The following GPR63 variants were observed in gnomAD, a reference collection of about 807,000 sequenced individuals.
GPR63 encodes G protein-coupled receptor 63, also known as probable G protein-coupled receptor 63.
In GPR63, 12 loss-of-function variants were observed where a neutral mutation model predicts 23.1. That is an observed-to-expected ratio of 0.52 (90% CI 0.33 to 0.84). The LOEUF (loss-of-function observed/expected upper bound fraction) is 0.84, where lower values mean the gene tolerates loss of function less well. GPR63 is among the 40% of genes least tolerant of loss of function. The probability of loss-of-function intolerance (pLI) is 0.02; values close to 1 mark genes in which losing one functional copy is unlikely to be tolerated. For missense variants in GPR63, 472 were observed against 515.6 expected (o/e 0.92, Z 0.82); for synonymous variants, 172 against 191.1 (o/e 0.90, Z 0.82).
intron 1 of GPR63, among the ~76,000 whole-genome samples, chr6:96,827,521 CCTAT>C (rs1774474669): frequency 6.6e-6 from 1 of 151,954 alleles, no homozygotes; most frequent in East Asian, 1.9e-4. Flanking sequence ...CTCAATGTAG[CCTAT>C]CTAATGCCAA....
At chr6:96,836,026 T>G (rs186403786) in intron 1 of GPR63, among the ~76,000 whole-genome samples, 32 of 152,284 alleles carry the variant, frequency 2.1e-4, no homozygotes, top group Admixed American at 1.2e-3. Flanking sequence ...ATTATGTCAC[T>G]AAAATTTTGG....
chr6:96,816,437 T>G (rs919281539), intron 1 of GPR63, among the ~76,000 whole-genome samples: 1 of 152,036 alleles, frequency 6.6e-6, no homozygotes, highest in Non-Finnish European at 1.5e-5. Context: ...GCAAATAAAG[T>G]CAAGCCTGTA....
intron 1 of GPR63, among the ~76,000 whole-genome samples, chr6:96,812,402 A>C: frequency 6.6e-6 from 1 of 152,144 alleles, no homozygotes; most frequent in East Asian, 1.9e-4. Context: ...ACAAGGATTT[A>C]TTTGCCTTCC....
chr6:96,816,276 T>G (rs1774161603), intron 1 of GPR63, among the ~76,000 whole-genome samples: 1 of 152,192 alleles, frequency 6.6e-6, no homozygotes, highest in African/African-American at 2.4e-5. Flanking sequence ...TGCCTAGCTT[T>G]TCAAAGGTTT....
chr6:96,819,515 C>T (rs1170121663), intron 1 of GPR63, among the ~76,000 whole-genome samples: 1 of 151,108 alleles, frequency 6.6e-6, no homozygotes, highest in African/African-American at 2.4e-5. Context: ...TGGGGCCTGT[C>T]GGGGTGCAGG....
chr6:96,822,149 G>C (rs1444920907), intron 1 of GPR63, among the ~76,000 whole-genome samples: 2 of 151,728 alleles, frequency 1.3e-5, no homozygotes, highest in Non-Finnish European at 2.9e-5. Context: ...TGAACACAAA[G>C]AAAAATATAG....
At chr6:96,806,799 T>C (rs1773907917) in intron 1 of GPR63, among the ~76,000 whole-genome samples, 2 of 152,216 alleles carry the variant, frequency 1.3e-5, no homozygotes, top group African/African-American at 4.8e-5. Context: ...GCTCCTATGT[T>C]TGCTGTAATG....
At chr6:96,836,693 C>T (rs1442455431) in intron 1 of GPR63, among the ~76,000 whole-genome samples, 1 of 152,074 alleles carries the variant, frequency 6.6e-6, no homozygotes, top group East Asian at 1.9e-4. Context: ...AGACTGAAAT[C>T]AGGGCGACGT....
intron 1 of GPR63, among the ~76,000 whole-genome samples, chr6:96,832,903 C>T (rs976719214): frequency 6.6e-6 from 1 of 152,024 alleles, no homozygotes; most frequent in East Asian, 1.9e-4. Flanking sequence ...GCAAATTTAT[C>T]CAATTTATAG....
intron 1 of GPR63, among the ~76,000 whole-genome samples, chr6:96,815,138 T>TG (rs1774132076): frequency 6.6e-6 from 1 of 152,230 alleles, no homozygotes; most frequent in Non-Finnish European, 1.5e-5. Context: ...CTGGTAAGGT[T>TG]GACACTCACC....
chr6:96,809,973 CT>C (rs575985719), intron 1 of GPR63, among the ~76,000 whole-genome samples: 2 of 152,148 alleles, frequency 1.3e-5, no homozygotes, highest in African/African-American at 2.4e-5. Context: ...CAGACTTCCA[CT>C]ATGTTATGCA....
chr6:96,830,870 G>A (rs1211059601), intron 1 of GPR63, among the ~76,000 whole-genome samples: 2 of 152,160 alleles, frequency 1.3e-5, no homozygotes, highest in East Asian at 3.9e-4. Context: ...TGCTTCTGTA[G>A]TAGCCAGAGT....
At chr6:96,801,047 A>G (rs1280293764) in intron 1 of GPR63, among the ~76,000 whole-genome samples, 3 of 152,098 alleles carry the variant, frequency 2.0e-5, no homozygotes, top group Non-Finnish European at 2.9e-5. Flanking sequence ...TTCCTTCCGT[A>G]GGTCTTTACT....
intron 1 of GPR63, among the ~76,000 whole-genome samples, chr6:96,831,828 C>T (rs751467776): frequency 1.3e-5 from 2 of 151,982 alleles, no homozygotes; most frequent in Admixed American, 6.5e-5. Context: ...ATCGCTTGAA[C>T]CCGGGAGGCG....
At chr6:96,809,277 A>G (rs1386660202) in intron 1 of GPR63, among the ~76,000 whole-genome samples, 1 of 152,162 alleles carries the variant, frequency 6.6e-6, no homozygotes, top group Non-Finnish European at 1.5e-5. Flanking sequence ...TTAGGCCTTC[A>G]AATGACCCTG....
intron 1 of GPR63, among the ~76,000 whole-genome samples, chr6:96,827,916 T>C (rs1429343864): frequency 6.6e-6 from 1 of 152,016 alleles, no homozygotes; most frequent in East Asian, 1.9e-4. Context: ...GAAGGTCTGA[T>C]AGACAAGAAG....
intron 1 of GPR63, among the ~76,000 whole-genome samples, chr6:96,821,208 T>C (rs1321422514): frequency 6.6e-6 from 1 of 152,230 alleles, no homozygotes; most frequent in Non-Finnish European, 1.5e-5. Context: ...ATGTCAAGTA[T>C]TGACACATAG....
intron 1 of GPR63, among the ~76,000 whole-genome samples, chr6:96,822,952 A>G (rs1162740229): frequency 6.6e-6 from 1 of 152,184 alleles, no homozygotes; most frequent in African/African-American, 2.4e-5. Flanking sequence ...TTCCTTTCAT[A>G]AGATTATAAT....
At chr6:96,802,641 G>A (rs1189314653) in intron 1 of GPR63, among the ~76,000 whole-genome samples, 1 of 149,932 alleles carries the variant, frequency 6.7e-6, no homozygotes, top group Non-Finnish European at 1.5e-5. Flanking sequence ...CTGGGTTCAC[G>A]TCATTCTTCT....
Sources: gnomAD v4.1 joint callset for allele counts (sites outside exome capture counted in the v4.1 genomes callset) on GRCh38, gnomAD v4.1.1 for gene constraint, MANE v1.5 for transcripts, NCBI Gene and HGNC (gene_info 2026-07-23, HGNC 2026-07-21) for gene names.